The following POLG variants were observed in gnomAD, a reference collection of about 807,000 sequenced individuals.
The protein encoded by POLG is DNA polymerase subunit gamma-1.
Under a neutral mutation model 155.4 loss-of-function variants are expected in POLG, and 110 were observed. That is an observed-to-expected ratio of 0.71 (90% confidence interval 0.61 to 0.83). The LOEUF (loss-of-function observed/expected upper bound fraction) is 0.83. Ranked by LOEUF, POLG falls within the 40% of genes least tolerant of loss-of-function variation. The probability of loss-of-function intolerance (pLI) is 0.00; values close to 1 mark genes in which losing one functional copy is unlikely to be tolerated. For synonymous variants in POLG, 701 were observed against 631.5 expected (o/e 1.11, Z -1.65); for missense variants, 1,685 against 1,627.5 (o/e 1.04, Z -0.61).
chr15:89,328,299 C>G (rs1329316109), intron 6 of POLG, among the ~76,000 whole-genome samples, 157 bp downstream of exon 6: 1 of 152,128 alleles, frequency 6.6e-6, no homozygotes, highest in East Asian at 1.9e-4. Context: ...GAGTCCAGGG[C>G]CCAGATGGAC....
chr15:89,320,736 T>C (rs2055381893), intron 18 of POLG, 30 bp downstream of exon 18: 2 of 1,610,820 alleles, frequency 1.2e-6, no homozygotes, highest in East Asian at 2.2e-5. Context: ...GGGTCCTGGG[T>C]GTTAAAGTGG....
intron 12 of POLG, 131 bp downstream of exon 12, chr15:89,323,683 TC>T: frequency 1.2e-6 from 1 of 865,534 alleles, no homozygotes; most frequent in Non-Finnish European, 2.0e-6. Context: ...GTGTGGGGCC[TC>T]CCAGGGGCAG....
Position 89,333,620 on chromosome 15 carries a change from CTGCTGCT to C in POLG, c.128_134del (p.Gln43ArgfsTer221), listed in dbSNP as rs2055628694. ...GTTGCTGCTGCTGCTGCTGCTGCTG[CTGCTGCT>C]GCCGCCGCCGCTGCCCGTCGCTGGG... On this transcript the variant is annotated frameshift_variant, in exon 2 of 23. Transcript: ENST00000268124. LOFTEE classifies it high-confidence loss of function. The C allele has an allele frequency of 6.9e-6, 11 of 1,601,012 alleles. No individual in the cohort carries two copies. In the African/African-American group the frequency reaches 9.4e-5, roughly 14 times the overall value.
In POLG at chr15:89,321,857, G is replaced by C. The variant is rs764833370; in HGVS notation, c.2481-4C>G. The C allele has an allele frequency of 2.5e-6, 4 of 1,612,656 alleles. No individual in the cohort carries two copies. Among genetic ancestry groups the C allele is most frequent in the Non-Finnish European group, 3.4e-6 (4 of 1,178,652 alleles). On this transcript the variant is annotated splice_region_variant and splice_polypyrimidine_tract_variant and intron_variant, in intron 15 of 22. Transcript: ENST00000268124. ...TTCCTCATCATAGTCGGGGTGCCTG[G>C]TGGGGTGCAGGGGAAGGAAATGGGT...
intron 11 of POLG, 100 bp downstream of exon 11, chr15:89,324,007 G>A (rs1180252977): frequency 1.9e-6 from 3 of 1,573,058 alleles, no homozygotes; most frequent in East Asian, 2.2e-5. Flanking sequence ...AGTCTGGGGT[G>A]AGCCACCAGT....
intron 1 of POLG, among the ~76,000 whole-genome samples, chr15:89,334,207 G>A (rs1289451090): frequency 1.3e-5 from 2 of 152,246 alleles, no homozygotes; most frequent in African/African-American, 4.8e-5. Flanking sequence ...CTCGAGCTGT[G>A]TGACCTTGGG....
At chr15:89,331,548 C>T (rs1322610411) in intron 2 of POLG, among the ~76,000 whole-genome samples, 3 of 152,220 alleles carry the variant, frequency 2.0e-5, no homozygotes, top group Admixed American at 6.5e-5. Flanking sequence ...TACTGTGAAT[C>T]TTAGAAAAAT....
chr15:89,317,876 C>T (rs1407304881), intron 21 of POLG: 10 of 368,838 alleles, frequency 2.7e-5, no homozygotes, highest in Middle Eastern at 3.6e-4. Flanking sequence ...CATAACCTCC[C>T]GGAGATGATG....
At position 89,325,791 on chromosome 15, in the gene POLG, G is replaced by C. The variant is rs979562621; in HGVS notation, c.1713-105C>G. On this transcript the variant is annotated intron_variant, in intron 9 of 22. Coordinates refer to ENST00000268124, the MANE Select transcript of POLG (RefSeq NM_002693.3). ...CCCACCCACCCTCCAAAGCCCTGGG[G>C]CTTTCTGGTGACCCCAGCCTACAGC... 3 of 937,938 alleles carry C rather than the reference G, an allele frequency of 3.2e-6. No individual in the cohort carries two copies. The African/African-American group carries it at 4.8e-5, about 15-fold the overall frequency. The allele number at this position is 937,938 out of a possible 1,614,324, so 58.1% of individuals were successfully genotyped here. A position where few individuals can be genotyped will look rare whatever the true frequency, so the allele number is the denominator to read the frequency against.
chr15:89,333,780 G>T lies in POLG; in HGVS notation c.-26C>A. On this transcript the variant is annotated 5_prime_UTR_variant, in exon 2 of 23. Coordinates refer to ENST00000268124, the MANE Select transcript of POLG (RefSeq NM_002693.3). ...GGTTGGTGCAGGGACCCCCACGCTGGGAGTCAGAACACCTGGCTTTGGGCT... is the reference window on the plus strand; with the variant it reads ...GGTTGGTGCAGGGACCCCCACGCTGTGAGTCAGAACACCTGGCTTTGGGCT... The T allele has an allele frequency of 6.5e-7, 1 of 1,534,858 alleles. No individual in the cohort carries two copies. The highest frequency in any genetic ancestry group is 8.7e-7 in the Non-Finnish European group (1 of 1,146,294).
intron 10 of POLG, 150 bp downstream of exon 10, chr15:89,325,300 G>GGTGTGTGTA: frequency 1.7e-6 from 1 of 589,636 alleles, no homozygotes; most frequent in Non-Finnish European, 3.0e-6. Flanking sequence ...GAGAGAGAGG[G>GGTGTGTGTA]TGTGTGTGTG....
At position 89,333,668 on chromosome 15, in the gene POLG, G is replaced by A. The variant is rs587781116; in HGVS notation, c.87C>T (p.Ser29=). ...VPAPGRWVSS[S]VPASDPSDGQ... Reference sequence around the variant, plus strand: ...CGTCGCTGGGGTCGGACGCGGGGACGGAGCTGGAGACCCAGCGCCCCGGAG... The same window carrying A: ...CGTCGCTGGGGTCGGACGCGGGGACAGAGCTGGAGACCCAGCGCCCCGGAG... Residue 29 remains serine (S), a synonymous_variant, in exon 2 of 23, where the codon TCC becomes TCT. Coordinates refer to ENST00000268124, the MANE Select transcript of POLG (RefSeq NM_002693.3). 222 of 1,559,800 alleles carry A rather than the reference G, an allele frequency of 1.4e-4. No homozygotes were observed. Among genetic ancestry groups the A allele is most frequent in the Non-Finnish European group, 1.8e-4 (210 of 1,157,992 alleles).
rs1159974816 is a variant in POLG at position 89,333,131 on chromosome 15, G to A, written c.624C>T (p.Cys208=). The A allele has an allele frequency of 1.3e-6, 2 of 1,527,474 alleles. No individual in the cohort carries two copies. Among genetic ancestry groups the A allele is most frequent in the South Asian group, 1.3e-5 (1 of 77,832 alleles). 94.6% of individuals were successfully genotyped at this position (1,527,474 alleles called of 1,614,324 possible). ...DVEVCLAEGT[C]PTLAVAISPS... ...GGGATATGGCCACCGCCAATGTGGGGCAAGTTCCCTCTGCCAAGCAGACCT... is the reference window on the plus strand; with the variant it reads ...GGGATATGGCCACCGCCAATGTGGGACAAGTTCCCTCTGCCAAGCAGACCT... Residue 208 remains cysteine (C), a synonymous_variant, in exon 2 of 23, where the codon TGC becomes TGT. Transcript: ENST00000268124.
chr15:89,329,377 G>A lies in POLG; in HGVS notation c.856-267C>T, dbSNP rs188533553. 2.2e-4 allele frequency among the ~76,000 whole-genome samples: 34 copies of A among 152,318 alleles called. 1 individual carries two copies. In the East Asian group the frequency reaches 6.2e-3, roughly 28 times the overall value. ...AATCCCAATGTGCAAGTCCTTCTCA[G>A]CTTCCAACAATAGCTCTGAGCAACG... is the stretch of plus-strand genomic sequence containing the variant. On this transcript the variant is annotated intron_variant, in intron 3 of 22. Coordinates refer to ENST00000268124, the MANE Select transcript of POLG (RefSeq NM_002693.3).
intron 9 of POLG, 36 bp from the exon 10 acceptor site, chr15:89,325,722 G>GT (rs758848196): frequency 1.4e-5 from 20 of 1,466,368 alleles, no homozygotes; most frequent in Non-Finnish European, 1.8e-5. Context: ...TGTCACGATG[G>GT]TAAGGGCAGT....
Position 89,323,485 on chromosome 15 carries a change from G to A in POLG, c.2184C>T (p.Thr728=). The part of the protein sequence containing the change: ...ALTARGGPKD[T]QPSYHHGNGP... ...CATTGCCATGGTGATAGCTGGGCTG[G>A]GTGTCCTTGGGGCCACCACGGGCAG... is the stretch of plus-strand genomic sequence containing the variant. The change falls in exon 13 of 23, where the codon ACC becomes ACT. Residue 728 remains threonine, a synonymous_variant. Transcript: ENST00000268124. The A allele has an allele frequency of 1.9e-6, 3 of 1,613,320 alleles. No individual in the cohort carries two copies. Among genetic ancestry groups the A allele is most frequent in the African/African-American group, 1.3e-5 (1 of 75,006 alleles).
At chr15:89,321,092 G>A in intron 17 of POLG, 33 bp downstream of exon 17, 1 of 1,614,220 alleles carries the variant, frequency 6.2e-7, no homozygotes, top group Non-Finnish European at 8.5e-7. Flanking sequence ...TATGCTGAGG[G>A]GCTGGGCTGC....
rs753858440 is a variant in POLG, at chr15:89,333,295, C to G, written c.460G>C (p.Ala154Pro). Residue 154 changes from alanine (A) to proline (P), a missense_variant, in exon 2 of 23, where the codon GCC (alanine) becomes CCC (proline). By Grantham distance (27) the Ala-to-Pro change is conservative. Around this residue, in one of 3 missense-constraint regions of POLG, gnomAD observed 1,210 missense variants for 1,167.1 expected, o/e 1.04. Coordinates refer to ENST00000268124, the MANE Select transcript of POLG (RefSeq NM_002693.3). ...AGCTGGGCCTGCAACAGCAAGTTGG[C>G]CGCCTCCAGGTAGGGCAGGCTCTGC... is the stretch of plus-strand genomic sequence containing the variant. ...QKQSLPYLEA[A>P]NLLLQAQLPP... is the part of the protein sequence containing the mutation. 2 of 1,552,864 alleles carry G rather than the reference C, an allele frequency of 1.3e-6. No individual in the cohort carries two copies. Among genetic ancestry groups the G allele is most frequent in the Non-Finnish European group, 1.7e-6 (2 of 1,148,166 alleles).
At chr15:89,325,085 A>AGAGAGT (rs2055464274) in intron 10 of POLG, among the ~76,000 whole-genome samples, 2 of 77,676 alleles carry the variant, frequency 2.6e-5, no homozygotes, top group African/African-American at 1.7e-4. Flanking sequence ...AGTGAGTGAG[A>AGAGAGT]GAGTGAGTGA....
Sources: allele counts gnomAD v4.1 joint callset (sites outside exome capture counted in the v4.1 genomes callset), GRCh38; gene constraint gnomAD v4.1.1; regional missense constraint gnomAD v4.1.1; transcripts MANE v1.5; gene names NCBI Gene and HGNC (gene_info 2026-07-23, HGNC 2026-07-21).